RRM2: variants seen among roughly 807,000 people sequenced by gnomAD.
The protein encoded by RRM2 is ribonucleoside-diphosphate reductase subunit M2.
Under a neutral mutation model 45.9 loss-of-function variants are expected in RRM2, and 6 were observed. That is an observed-to-expected ratio of 0.13 (90% CI 0.07 to 0.26). The LOEUF is 0.26. RRM2 is among the 10% of genes least tolerant of loss of function. RRM2 has a pLI of 1.00. For synonymous variants in RRM2, 177 were observed against 173.0 expected, an observed-to-expected ratio of 1.02 and a Z score of -0.18; for missense variants, 343 against 489.5, an observed-to-expected ratio of 0.70 and a Z score of 2.82.
At chr2:10,210,224 A>G in intron 3 of RRM2, 1 of 867,874 alleles carries the variant, frequency 1.2e-6, no homozygotes, top group South Asian at 1.5e-5. Flanking sequence ...CCGGCTCCCT[A>G]GTGCCCAGTA....
chr2:10,140,893 G>A (rs1482873733), upstream of RRM2, among the ~76,000 whole-genome samples: 1 of 152,140 alleles, frequency 6.6e-6, no homozygotes, highest in Non-Finnish European at 1.5e-5. Flanking sequence ...CAGCTACCCA[G>A]GCAGAAGGCT....
chr2:10,151,655 A>G (rs1374640159), intron 3 of RRM2, among the ~76,000 whole-genome samples: 1 of 152,114 alleles, frequency 6.6e-6, no homozygotes, highest in Non-Finnish European at 1.5e-5. Flanking sequence ...AGTAGGTTTC[A>G]CTTTTTAAGA....
intron 3 of RRM2, among the ~76,000 whole-genome samples, chr2:10,147,169 A>T (rs12987867): frequency 0.63 from 95,220 of 151,994 alleles, 30,356 homozygotes; most frequent in African/African-American, 0.7. Context: ...GCCAGGATGG[A>T]CTTGATCTCT....
At chr2:10,132,879 A>T (rs13395772), downstream of RRM2, among the ~76,000 whole-genome samples, 1 of 152,088 alleles carries the variant, frequency 6.6e-6, no homozygotes, top group African/African-American at 2.4e-5. Context: ...GCCCCATGCC[A>T]GCTGCCATGC....
chr2:10,152,476 ATTT>A (rs34724080), intron 3 of RRM2, among the ~76,000 whole-genome samples: 2 of 134,934 alleles, frequency 1.5e-5, no homozygotes, highest in Non-Finnish European at 1.6e-5. Flanking sequence ...TCTGTGTACT[ATTT>A]TTTTTTTTTT....
intron 3 of RRM2, chr2:10,142,400 G>T: frequency 1.5e-6 from 2 of 1,367,348 alleles, no homozygotes; most frequent in Non-Finnish European, 2.0e-6. Flanking sequence ...CAACTCGCAC[G>T]GTGGGGGAAG....
At chr2:10,198,750 ACTCT>A (rs1664469661) in intron 3 of RRM2, 1 of 151,958 alleles carries the variant, frequency 6.6e-6, no homozygotes, top group Non-Finnish European at 1.5e-5. Flanking sequence ...TGTCAGGAGC[ACTCT>A]CTCTTACAGA....
chr2:10,205,228 G>A lies in RRM2; in HGVS notation n.483-5083G>A, dbSNP rs1321359463. The stretch of plus-strand genomic sequence containing the variant: ...GTGGAGCAGGGGCTGAGGCCTGAGC[G>A]GTGAGTGGGGCTCGGTATTGACGAT... On this transcript the variant is annotated intron_variant and non_coding_transcript_variant, in intron 3 of 3. Transcript: ENST00000381786. This position sits in a 1 kb window ranked among gnomAD's most constrained non-coding sequence, Gnocchi z 4.8. 2.0e-5 allele frequency among the ~76,000 whole-genome samples: 3 copies of A among 152,210 alleles called. No homozygotes were observed. The highest frequency in any genetic ancestry group is 6.5e-5 in the Admixed American group (1 of 15,284).
chr2:10,177,290 A>G (rs1663937517), intron 3 of RRM2, among the ~76,000 whole-genome samples: 1 of 149,734 alleles, frequency 6.7e-6, no homozygotes, highest in African/African-American at 2.5e-5. Flanking sequence ...ATAAAAAAAA[A>G]TATGGTACTG....
At chr2:10,170,848 C>T (rs531025642) in intron 3 of RRM2, among the ~76,000 whole-genome samples, 1 of 152,280 alleles carries the variant, frequency 6.6e-6, no homozygotes, top group Non-Finnish European at 1.5e-5. Flanking sequence ...GCGGAATGAA[C>T]GCCTGATTAG....
rs138525254 is a variant in RRM2, at chr2:10,148,687, A to C, written n.482+6312A>C. Among the ~76,000 whole-genome samples the C allele has an allele frequency of 3.5e-3, 528 of 152,280 alleles. 3 individuals carry two copies. The highest frequency in any genetic ancestry group is 0.012 in the African/African-American group (500 of 41,572). On this transcript the variant is annotated intron_variant and non_coding_transcript_variant, in intron 3 of 3. Coordinates refer to the RRM2 transcript ENST00000381786. ...TTTTAGTCTAGTTACTTTCATAGAA[A>C]TTACCTTGTTATTGACAGATTTTTG...
chr2:10,189,430 G>A (rs2125328242), intron 3 of RRM2, among the ~76,000 whole-genome samples: 1 of 152,272 alleles, frequency 6.6e-6, no homozygotes, highest in East Asian at 1.9e-4. Context: ...CAGGGCAGGA[G>A]GAGCAAGAGC....
At chr2:10,151,012 A>G (rs1663301742) in intron 3 of RRM2, among the ~76,000 whole-genome samples, 1 of 151,970 alleles carries the variant, frequency 6.6e-6, no homozygotes, top group Admixed American at 6.6e-5. Flanking sequence ...ATGGGGTTTC[A>G]CCATGTTGGC....
chr2:10,188,503 C>G (rs1423177721), intron 3 of RRM2, among the ~76,000 whole-genome samples: 1 of 152,172 alleles, frequency 6.6e-6, no homozygotes, highest in East Asian at 1.9e-4. Flanking sequence ...ATTAGGGTCC[C>G]ACCCTTAGGA....
intron 3 of RRM2, among the ~76,000 whole-genome samples, chr2:10,173,917 C>T (rs1057370588): frequency 2.6e-5 from 4 of 152,148 alleles, no homozygotes; most frequent in Non-Finnish European, 5.9e-5. Context: ...GGGTGTGCTC[C>T]GTGGGGGGCG....
intron 3 of RRM2, among the ~76,000 whole-genome samples, chr2:10,165,993 G>A (rs1285012099): frequency 6.6e-6 from 1 of 152,194 alleles, no homozygotes; most frequent in Non-Finnish European, 1.5e-5. Context: ...TTGAAGGCAG[G>A]AAGGGCAGCC....
At chr2:10,136,938 G>T (rs1662998516), upstream of RRM2, among the ~76,000 whole-genome samples, 1 of 152,176 alleles carries the variant, frequency 6.6e-6, no homozygotes, top group African/African-American at 2.4e-5. Context: ...CAAGAGTGAG[G>T]CCCTGACTGA....
chr2:10,136,721 C>T (rs1662995105), upstream of RRM2, among the ~76,000 whole-genome samples: 1 of 152,182 alleles, frequency 6.6e-6, no homozygotes, highest in Non-Finnish European at 1.5e-5. Context: ...TGCAGTGAGC[C>T]ATGCTTGCAC....
intron 3 of RRM2, among the ~76,000 whole-genome samples, chr2:10,149,465 C>T (rs534455507): frequency 1.3e-5 from 2 of 152,254 alleles, no homozygotes; most frequent in South Asian, 4.1e-4. Flanking sequence ...TAATTTTCAG[C>T]GAAAAGTTTG....
Sources: gnomAD v4.1 joint callset for allele counts (sites outside exome capture counted in the v4.1 genomes callset) on GRCh38, gnomAD v4.1.1 for gene constraint, Gnocchi (gnomAD v3.1) non-coding constraint, MANE v1.5 for transcripts, NCBI Gene and HGNC (gene_info 2026-07-23, HGNC 2026-07-21) for gene names.